GABRA3: variants seen among roughly 807,000 people sequenced by gnomAD.
GABRA3 encodes gamma-aminobutyric acid type A receptor subunit alpha3, also known as gamma-aminobutyric acid receptor subunit alpha-3.
A neutral mutation model predicts 30.1 loss-of-function variants in GABRA3; 10 were observed. That is an observed-to-expected ratio of 0.33 (90% confidence interval 0.20 to 0.56). The LOEUF (loss-of-function observed/expected upper bound fraction) is 0.56, where lower values mean the gene tolerates loss of function less well. GABRA3 is among the 20% of genes least tolerant of loss of function. The probability of loss-of-function intolerance (pLI) is 0.89; values close to 1 mark genes in which losing one functional copy is unlikely to be tolerated. For missense variants in GABRA3, 233 were observed against 392.0 expected, an observed-to-expected ratio of 0.59 and a Z score of 3.42; for synonymous variants, 151 against 146.8, an observed-to-expected ratio of 1.03 and a Z score of -0.21.
intron 2 of GABRA3, among the ~76,000 whole-genome samples, chrX:152,348,546 T>G (rs1940426440): frequency 9.0e-6 from 1 of 111,577 alleles, no homozygotes; most frequent in Non-Finnish European, 1.9e-5. Flanking sequence ...CAGTGGTAAA[T>G]TCACAGGACC....
At chrX:152,196,960 C>T (rs1017120727) in intron 8 of GABRA3, among the ~76,000 whole-genome samples, 3 of 112,227 alleles carry the variant, frequency 2.7e-5, no homozygotes, top group Non-Finnish European at 5.6e-5. Context: ...CAAGTATATG[C>T]CTCAAAGGTA....
chrX:152,334,889 A>C (rs1021222043), intron 3 of GABRA3, among the ~76,000 whole-genome samples: 1 of 111,083 alleles, frequency 9.0e-6, no homozygotes, highest in Admixed American at 9.6e-5. Flanking sequence ...CAGAAACTCT[A>C]TTCTAGATGT....
intron 6 of GABRA3, among the ~76,000 whole-genome samples, chrX:152,221,714 CT>C (rs1378611699): frequency 9.0e-6 from 1 of 111,628 alleles, no homozygotes; most frequent in Non-Finnish European, 1.9e-5. Flanking sequence ...ATTGCAATTT[CT>C]TTTATTAACT....
chrX:152,271,796 C>A (rs1209936926), intron 4 of GABRA3, among the ~76,000 whole-genome samples: 5 of 111,628 alleles, frequency 4.5e-5, no homozygotes. Flanking sequence ...GACTTGGTGT[C>A]CTGCATCCCA....
intron 9 of GABRA3, among the ~76,000 whole-genome samples, chrX:152,179,974 T>C (rs1937124029): frequency 8.9e-6 from 1 of 112,146 alleles, no homozygotes; most frequent in East Asian, 2.8e-4. Flanking sequence ...TATAGACACT[T>C]AGGTTGATTA....
At chrX:152,295,724 A>AT (rs1348185111) in intron 3 of GABRA3, among the ~76,000 whole-genome samples, 2 of 112,123 alleles carry the variant, frequency 1.8e-5, no homozygotes, top group African/African-American at 6.5e-5. Flanking sequence ...AACAGTCCCA[A>AT]TGAGATGAAA....
At chrX:152,300,134 A>G (rs912182145) in intron 3 of GABRA3, among the ~76,000 whole-genome samples, 1 of 112,727 alleles carries the variant, frequency 8.9e-6, no homozygotes, top group Admixed American at 9.4e-5. Flanking sequence ...GAACTACACT[A>G]TATTTAAACC....
At chrX:152,339,296 C>T (rs761525530) in intron 3 of GABRA3, among the ~76,000 whole-genome samples, 9 of 107,347 alleles carry the variant, frequency 8.4e-5, no homozygotes, top group African/African-American at 1.7e-4. Context: ...GGTGTGATCT[C>T]GGCTCATTGC....
chrX:152,445,060 CAAAAAAAAAAA>C (rs1204814043), intron 1 of GABRA3, among the ~76,000 whole-genome samples: 1,033 of 18,685 alleles, frequency 0.055, 13 homozygotes, highest in Non-Finnish European at 0.088. Context: ...GACTCCGTCT[CAAAAAAAAAAA>C]AAAAAAAAAA....
chrX:152,188,313 T>C (rs1937281983), intron 9 of GABRA3, among the ~76,000 whole-genome samples: 1 of 111,624 alleles, frequency 9.0e-6, no homozygotes, highest in Non-Finnish European at 1.9e-5. Context: ...AAAGAACCCA[T>C]TTAAATGTAG....
At chrX:152,270,978 T>A (rs1485274985) in intron 4 of GABRA3, among the ~76,000 whole-genome samples, 3 of 108,483 alleles carry the variant, frequency 2.8e-5, no homozygotes, top group Non-Finnish European at 5.7e-5. Context: ...TTTTTTTTTT[T>A]GAGAGAAAGC....
chrX:152,403,181 T>C (rs955930849), intron 1 of GABRA3, among the ~76,000 whole-genome samples: 1 of 110,779 alleles, frequency 9.0e-6, no homozygotes, highest in African/African-American at 3.3e-5. Flanking sequence ...TGAATTAAGC[T>C]AAGAAAAAAG....
In GABRA3 at chrX:152,166,680, T is replaced by A. The variant is rs1158052269; in HGVS notation, c.*1548A>T. 9.0e-6 allele frequency: 1 copy of A among 110,552 alleles called. No individual in the cohort carries two copies. The highest frequency in any genetic ancestry group is 1.9e-5 in the Non-Finnish European group (1 of 52,886). 9.1% of individuals were successfully genotyped at this position (110,552 alleles called of 1,213,427 possible). On this transcript the variant is annotated 3_prime_UTR_variant, in exon 10 of 10. Transcript: ENST00000370314. ...TGGCTGGGGCTGCCATCATAAACAG[T>A]CTCATTCTCTTGGGCTGAGACTATT...
chrX:152,430,812 G>A (rs1930634995), intron 1 of GABRA3, among the ~76,000 whole-genome samples: 1 of 111,399 alleles, frequency 9.0e-6, no homozygotes, highest in Non-Finnish European at 1.9e-5. Context: ...TTTAGACAAT[G>A]AGATGGACAA....
At chrX:152,333,695 G>C (rs1940194503) in intron 3 of GABRA3, among the ~76,000 whole-genome samples, 1 of 111,463 alleles carries the variant, frequency 9.0e-6, no homozygotes, top group Non-Finnish European at 1.9e-5. Flanking sequence ...TCAAGGCATA[G>C]ATCAAGCAAA....
intron 5 of GABRA3, among the ~76,000 whole-genome samples, chrX:152,235,953 AT>A (rs1391843879): frequency 1.3e-5 from 1 of 74,858 alleles, no homozygotes; most frequent in Non-Finnish European, 2.4e-5. Flanking sequence ...GCACTATTTG[AT>A]TTCTTTTTTT....
chrX:152,283,896 A>G (rs747346421), intron 4 of GABRA3, among the ~76,000 whole-genome samples: 1 of 111,975 alleles, frequency 8.9e-6, no homozygotes, highest in South Asian at 3.7e-4. Context: ...AAACTTATTG[A>G]ACATCTAATA....
chrX:152,275,266 A>C (rs868050663), intron 4 of GABRA3, among the ~76,000 whole-genome samples: 725 of 49,696 alleles, frequency 0.015, 28 homozygotes, highest in African/African-American at 0.081. Context: ...AATATATATA[A>C]ATTATATATA....
chrX:152,353,030 C>A (rs1194021255), intron 2 of GABRA3, among the ~76,000 whole-genome samples: 2 of 109,266 alleles, frequency 1.8e-5, no homozygotes, highest in African/African-American at 6.7e-5. Context: ...ACCTAGAATT[C>A]AATAGCACAC....
Sources: allele counts gnomAD v4.1 joint callset (sites outside exome capture counted in the v4.1 genomes callset), GRCh38; gene constraint gnomAD v4.1.1; transcripts MANE v1.5; gene names NCBI Gene and HGNC (gene_info 2026-07-23, HGNC 2026-07-21).